Variants in SATB2 observed in about 807,000 individuals in gnomAD.
SATB2 encodes DNA-binding protein SATB2.
SATB2 carries 1 observed loss-of-function variant against 73.4 expected under a neutral mutation model. That is an observed-to-expected ratio of 0.01 (90% CI 0.00 to 0.06). SATB2 has a LOEUF of 0.06. Among genes scored for constraint, SATB2 ranks in the 10% least tolerant of loss-of-function variants. The pLI, the probability that SATB2 is intolerant of heterozygous loss-of-function variation, is 1.00. For synonymous variants in SATB2, 397 were observed against 367.0 expected, an observed-to-expected ratio of 1.08 and a Z score of -0.93; for missense variants, 459 against 945.8, an observed-to-expected ratio of 0.49 and a Z score of 6.75.
At chr2:199,298,632 C>T (rs1240254223) in intron 10 of SATB2, among the ~76,000 whole-genome samples, 1 of 152,144 alleles carries the variant, frequency 6.6e-6, no homozygotes, top group African/African-American at 2.4e-5. Context: ...AGAAACGCAA[C>T]TGGGATTGAG....
intron 5 of SATB2, among the ~76,000 whole-genome samples, chr2:199,369,544 T>C (rs1689382301): frequency 6.6e-6 from 1 of 152,184 alleles, no homozygotes; most frequent in Admixed American, 6.5e-5. Context: ...GAAATGACTG[T>C]GTATGTTTTA....
intron 10 of SATB2, among the ~76,000 whole-genome samples, chr2:199,280,781 A>G (rs6435007): frequency 0.93 from 141,688 of 152,200 alleles, 66,831 homozygotes; most frequent in Non-Finnish European, 1. Context: ...ATGCGTGCCC[A>G]AAACTTCATT....
chr2:199,400,229 G>T (rs1690431052), intron 3 of SATB2, among the ~76,000 whole-genome samples: 1 of 152,092 alleles, frequency 6.6e-6, no homozygotes, highest in East Asian at 1.9e-4. Flanking sequence ...TAAAATGCAG[G>T]CTACTCAATA....
intron 10 of SATB2, among the ~76,000 whole-genome samples, chr2:199,275,372 A>G (rs1317506601): frequency 6.6e-6 from 1 of 152,176 alleles, no homozygotes; most frequent in Non-Finnish European, 1.5e-5. Flanking sequence ...ACAGAGAAAG[A>G]ACAGTAAGAA....
chr2:199,432,767 C>A lies in SATB2; in HGVS notation c.346+571G>T, dbSNP rs1229239165. ...TCACAACGGGCTCCCCAGTATTGTA[C>A]AATACGCACTGAAATAATGATGCAA... On this transcript the variant is annotated intron_variant, in intron 3 of 10. Coordinates refer to ENST00000417098, the MANE Select transcript of SATB2 (RefSeq NM_001172509.2). 2.6e-5 allele frequency among the ~76,000 whole-genome samples: 4 copies of A among 152,092 alleles called. No individual in the cohort carries two copies. In the East Asian group the frequency reaches 5.8e-4, roughly 22 times the overall value.
chr2:199,339,844 C>T (rs2105811137), intron 7 of SATB2, among the ~76,000 whole-genome samples: 1 of 152,202 alleles, frequency 6.6e-6, no homozygotes, highest in East Asian at 1.9e-4. Context: ...GTTTCTACTC[C>T]AAAAAACTGA....
chr2:199,379,714 C>T (rs1689712154), intron 5 of SATB2, among the ~76,000 whole-genome samples: 1 of 125,214 alleles, frequency 8.0e-6, no homozygotes. Flanking sequence ...GAGACAGGGT[C>T]TCGCTATCTT....
rs550964090 is a variant in SATB2, at chr2:199,316,455, T to C, written c.1542+7348A>G. Among the ~76,000 whole-genome samples the C allele has an allele frequency of 3.9e-5, 6 of 152,240 alleles. No homozygotes were observed. In the South Asian group the frequency reaches 1.2e-3, roughly 32 times the overall value. ...AGTTCAAGGTTAATTATTTTATACT[T>C]TAAATGTGGTAAGTACAGAAGATCT... On this transcript the variant is annotated intron_variant, in intron 9 of 10. Transcript: ENST00000417098.
At chr2:199,383,274 G>C (rs1407487082) in intron 3 of SATB2, among the ~76,000 whole-genome samples, 1 of 152,026 alleles carries the variant, frequency 6.6e-6, no homozygotes, top group East Asian at 1.9e-4. Flanking sequence ...CTGTTTTCTT[G>C]CGGGGATAGT....
rs150481681 is a variant in SATB2, at chr2:199,273,373, G to A, written c.1741-701C>T. Among the ~76,000 whole-genome samples, 515 of 152,250 alleles carry A rather than the reference G, an allele frequency of 3.4e-3. 2 individuals are homozygous for A. The highest frequency in any genetic ancestry group is 0.011 in the African/African-American group (468 of 41,550). ...TCCAATAAGACTAAATTTGGCCCATGAGTCATAGTTTGCCTCATCTCTGGC... is the reference window on the plus strand; with the variant it reads ...TCCAATAAGACTAAATTTGGCCCATAAGTCATAGTTTGCCTCATCTCTGGC... On this transcript the variant is annotated intron_variant, in intron 10 of 10. Transcript: ENST00000417098.
At chr2:199,274,950 A>C (rs1184802381) in intron 10 of SATB2, among the ~76,000 whole-genome samples, 1 of 152,180 alleles carries the variant, frequency 6.6e-6, no homozygotes, top group African/African-American at 2.4e-5. Flanking sequence ...CTATGTCAAC[A>C]GGTGAGGATT....
rs572080396 is a variant in SATB2, at chr2:199,454,254, A to T, written c.169+1615T>A. ...GTTTACAGCTCCTTTCAATTTAGTG[A>T]ATTTTATTAGATCTTCAGAAAGATA... is the stretch of plus-strand genomic sequence containing the variant. On this transcript the variant is annotated intron_variant, in intron 2 of 10. Transcript: ENST00000417098. Among the ~76,000 whole-genome samples the T allele has an allele frequency of 7.2e-5, 11 of 152,198 alleles. No homozygotes were observed. The South Asian group carries it at 2.3e-3, about 32-fold the overall frequency.
chr2:199,461,445 A>G (rs1238799130), upstream of SATB2, among the ~76,000 whole-genome samples: 1 of 152,240 alleles, frequency 6.6e-6, no homozygotes, highest in Non-Finnish European at 1.5e-5. Context: ...TTCGTTTTGT[A>G]TCCCTCAAAA....
At chr2:199,293,653 T>C (rs780758195) in intron 10 of SATB2, among the ~76,000 whole-genome samples, 10 of 152,174 alleles carry the variant, frequency 6.6e-5, no homozygotes, top group Non-Finnish European at 1.3e-4. Context: ...TAATTATCCA[T>C]GATATGCTAT....
intron 10 of SATB2, among the ~76,000 whole-genome samples, chr2:199,304,637 AC>A (rs936843202): frequency 1.3e-5 from 2 of 151,952 alleles, no homozygotes; most frequent in African/African-American, 4.8e-5. Context: ...AATTCTCACC[AC>A]CCTGGGGCAA....
chr2:199,422,414 A>T (rs759517735), intron 3 of SATB2, among the ~76,000 whole-genome samples: 1 of 152,134 alleles, frequency 6.6e-6, no homozygotes, highest in Non-Finnish European at 1.5e-5. Flanking sequence ...ATAGGGTCTA[A>T]CAAAACAGGC....
chr2:199,386,755 CACACACACA>C (rs1689973949), intron 3 of SATB2, among the ~76,000 whole-genome samples: 2 of 124,222 alleles, frequency 1.6e-5, no homozygotes, highest in African/African-American at 2.7e-5. Context: ...CACACACACA[CACACACACA>C]CACCTTTGAG....
At chr2:199,352,680 C>A (rs7602959) in intron 6 of SATB2, among the ~76,000 whole-genome samples, 2,723 of 152,162 alleles carry the variant, frequency 0.018, 85 homozygotes, top group African/African-American at 0.061. Flanking sequence ...GCCAGAAAAG[C>A]CAGCTGCAGA....
intron 6 of SATB2, among the ~76,000 whole-genome samples, chr2:199,353,831 T>G (rs1688892808): frequency 6.6e-6 from 1 of 152,166 alleles, no homozygotes; most frequent in African/African-American, 2.4e-5. Context: ...CTTTTTTCAC[T>G]GTGTAATGGA....
Sources: gnomAD v4.1 joint callset for allele counts (sites outside exome capture counted in the v4.1 genomes callset) on GRCh38, gnomAD v4.1.1 for gene constraint, MANE v1.5 for transcripts, NCBI Gene and HGNC (gene_info 2026-07-23, HGNC 2026-07-21) for gene names.